The following TYW1B variants were observed in gnomAD, a reference collection of about 807,000 sequenced individuals.
The protein encoded by TYW1B is S-adenosyl-L-methionine-dependent tRNA 4-demethylwyosine synthase TYW1B.
Under a neutral mutation model 86.9 loss-of-function variants are expected in TYW1B, and 73 were observed. The ratio of observed to expected loss-of-function variants is 0.84; its 90% CI spans 0.70 to 1.02. The LOEUF (loss-of-function observed/expected upper bound fraction) is 1.02. Among genes scored for constraint, TYW1B ranks in the 50% least tolerant of loss-of-function variants. TYW1B has a pLI of 0.00. For synonymous variants in TYW1B, 248 were observed against 292.8 expected (o/e 0.85, Z 1.56); for missense variants, 637 against 827.4 (o/e 0.77, Z 2.82).
intron 10 of TYW1B, among the ~76,000 whole-genome samples, chr7:72,705,300 G>A (rs1269145157): frequency 6.6e-6 from 1 of 152,188 alleles, no homozygotes; most frequent in Non-Finnish European, 1.5e-5. Flanking sequence ...AAAAGATGGG[G>A]TGAATGTCTC....
chr7:72,802,778 G>A (rs1460165967), intron 5 of TYW1B, among the ~76,000 whole-genome samples: 3 of 152,100 alleles, frequency 2.0e-5, no homozygotes, highest in East Asian at 3.9e-4. Flanking sequence ...CTACCACCAC[G>A]CCTGGCTAAT....
At chr7:72,592,544 T>C (rs1811421713) in intron 13 of TYW1B, among the ~76,000 whole-genome samples, 1 of 152,220 alleles carries the variant, frequency 6.6e-6, no homozygotes. Flanking sequence ...AATCCCTCCA[T>C]ATCAGTCATT....
chr7:72,716,653 T>TGTG (rs1180834944), intron 9 of TYW1B, among the ~76,000 whole-genome samples: 1 of 149,990 alleles, frequency 6.7e-6, no homozygotes, highest in Non-Finnish European at 1.5e-5. Flanking sequence ...TTGTTGTTGT[T>TGTG]TTTGAGACAG....
At chr7:72,598,864 G>A (rs1315400381) in intron 13 of TYW1B, among the ~76,000 whole-genome samples, 11 of 152,144 alleles carry the variant, frequency 7.2e-5, no homozygotes, top group Non-Finnish European at 1.3e-4. Context: ...ATAAACAGGT[G>A]GAGGAAGACA....
In TYW1B at chr7:72,616,778, T is replaced by G; in HGVS notation, c.1679A>C (p.His560Pro). The change falls in exon 13 of 14, where the codon CAT becomes CCT. Residue 560 changes from histidine (H) to proline (P), a missense_variant. By Grantham distance (77) the His-to-Pro change is moderately conservative (BLOSUM62 -2). Coordinates refer to ENST00000620995, the MANE Select transcript of TYW1B (RefSeq NM_001145440.3). Reference sequence around the variant, plus strand: ...GCGGACAAACTGTACCACTTCCTCATGCCAGGGCACATGGGCCATGGTAAG... The same window carrying G: ...GCGGACAAACTGTACCACTTCCTCAGGCCAGGGCACATGGGCCATGGTAAG... Reference protein sequence around the residue: ...SSLTMAHVPWHEEVVQFVREL... With the variant: ...SSLTMAHVPWPEEVVQFVREL... The G allele has an allele frequency of 6.2e-7, 1 of 1,614,228 alleles. No individual in the cohort carries two copies. The highest frequency in any genetic ancestry group is 8.5e-7 in the Non-Finnish European group (1 of 1,180,044).
In TYW1B at chr7:72,807,242, A is replaced by T. The variant is rs1554476928; in HGVS notation, c.547T>A (p.Phe183Ile). The part of the protein sequence containing the change: ...KSKHGSIEAN[F>I]RAWKTKFISQ... Reference sequence around the variant, plus strand: ...ATGAACTTGGTCTTCCATGCTCTGAAGTTGGCCTCAATGCTGCCGTGCTTG... The same window carrying T: ...ATGAACTTGGTCTTCCATGCTCTGATGTTGGCCTCAATGCTGCCGTGCTTG... Residue 183 changes from phenylalanine to isoleucine, a missense_variant, in exon 5 of 14, where the codon TTC (phenylalanine) becomes ATC (isoleucine). Transcript: ENST00000620995. The T allele has an allele frequency of 6.2e-7, 1 of 1,614,052 alleles. No homozygotes were observed.
intron 13 of TYW1B, among the ~76,000 whole-genome samples, chr7:72,611,360 G>T (rs1400401018): frequency 6.6e-6 from 1 of 152,078 alleles, no homozygotes. Flanking sequence ...ACCTTGAATG[G>T]CAGTTCCCAT....
At chr7:72,735,639 G>C (rs1227167518) in intron 8 of TYW1B, among the ~76,000 whole-genome samples, 1 of 151,896 alleles carries the variant, frequency 6.6e-6, no homozygotes, top group Admixed American at 6.6e-5. Context: ...GAAGGCCAAG[G>C]GAGGCAGATC....
intron 3 of TYW1B, among the ~76,000 whole-genome samples, chr7:72,813,868 A>G (rs1298811672): frequency 6.6e-6 from 1 of 152,040 alleles, no homozygotes; most frequent in Non-Finnish European, 1.5e-5. Context: ...TACAAAAATT[A>G]GCCAGGTGTG....
chr7:72,762,745 C>A (rs145190381), intron 7 of TYW1B, among the ~76,000 whole-genome samples: 1 of 152,026 alleles, frequency 6.6e-6, no homozygotes, highest in African/African-American at 2.4e-5. Context: ...CTGCAACCTC[C>A]GCCTCCCTGG....
chr7:72,703,246 G>A (rs1386203228), intron 10 of TYW1B, among the ~76,000 whole-genome samples: 1 of 150,940 alleles, frequency 6.6e-6, no homozygotes, highest in African/African-American at 2.4e-5. Context: ...GGATAGTCTC[G>A]ATCTCCTGAC....
Position 72,777,458 on chromosome 7 carries a change from C to A in TYW1B, c.922G>T (p.Ala308Ser). The change falls in exon 7 of 14, where the codon GCT (alanine) becomes TCT (serine). Residue 308 changes from alanine (A) to serine (S), a missense_variant. Transcript: ENST00000620995. ...MGRNEDGERR[A>S]MITPALREAL... is the part of the protein sequence containing the mutation. ...TCTCGGAGAGCAGGAGTTATCATAGCTCTTCTTTCACCATCTTCATTCCTC... is the reference window on the plus strand; with the variant it reads ...TCTCGGAGAGCAGGAGTTATCATAGATCTTCTTTCACCATCTTCATTCCTC... 2.5e-6 allele frequency: 4 copies of A among 1,614,106 alleles called. No individual in the cohort carries two copies. Among genetic ancestry groups the A allele is most frequent in the Non-Finnish European group, 3.4e-6 (4 of 1,179,994 alleles).
At chr7:72,582,245 G>A (rs1811173208) in intron 13 of TYW1B, among the ~76,000 whole-genome samples, 1 of 152,046 alleles carries the variant, frequency 6.6e-6, no homozygotes, top group Non-Finnish European at 1.5e-5. Context: ...CCACATTAAA[G>A]GTGTCTACAA....
chr7:72,584,102 A>T (rs1811218334), intron 13 of TYW1B, among the ~76,000 whole-genome samples: 1 of 152,198 alleles, frequency 6.6e-6, no homozygotes, highest in African/African-American at 2.4e-5. Flanking sequence ...ACTGGAGTGC[A>T]GTTGTGCAAT....
chr7:72,706,927 C>T lies in TYW1B; in HGVS notation c.1370+6694G>A, dbSNP rs184294203. 1.5e-3 allele frequency among the ~76,000 whole-genome samples: 227 copies of T among 152,320 alleles called. 2 individuals carry two copies. The highest frequency in any genetic ancestry group is 2.9e-3 in the Non-Finnish European group (196 of 68,036). Reference sequence around the variant, plus strand: ...CTTACCAACTGAGGGTTTGAGACCTCTGGGCTTAAGGAGAAAATGGATTGC... The same window carrying T: ...CTTACCAACTGAGGGTTTGAGACCTTTGGGCTTAAGGAGAAAATGGATTGC... On this transcript the variant is annotated intron_variant, in intron 10 of 13. Transcript: ENST00000620995.
At chr7:72,585,582 G>A (rs1811254452) in intron 13 of TYW1B, among the ~76,000 whole-genome samples, 1 of 152,138 alleles carries the variant, frequency 6.6e-6, no homozygotes, top group Non-Finnish European at 1.5e-5. Flanking sequence ...GAGGGACCAG[G>A]TGGGAGGTAA....
chr7:72,603,094 ATGG>A (rs1554434134), intron 13 of TYW1B, among the ~76,000 whole-genome samples: 1 of 47,116 alleles, frequency 2.1e-5, no homozygotes, highest in East Asian at 9.8e-4. Context: ...CAGACAGATG[ATGG>A]ATGGATGGAT....
rs1164945441 is a variant in TYW1B at position 72,791,058 on chromosome 7, A to C, written c.846+11342T>G. Among the ~76,000 whole-genome samples the C allele has an allele frequency of 3.3e-5, 5 of 152,244 alleles. No homozygotes were observed. In the South Asian group the frequency reaches 8.3e-4, roughly 25 times the overall value. On this transcript the variant is annotated intron_variant, in intron 6 of 13. Transcript: ENST00000620995. ...CTATGGACTGTTTCAAAGGGATCTG[A>C]TCCTTTTGAATTTTGCACAGCCCTA...
At chr7:72,602,642 G>A (rs1176876155) in intron 13 of TYW1B, among the ~76,000 whole-genome samples, 6 of 152,158 alleles carry the variant, frequency 3.9e-5, no homozygotes, top group East Asian at 1.9e-4. Context: ...TCAAAAACAC[G>A]TGGCTGACTG....
Sources: allele counts gnomAD v4.1 joint callset (sites outside exome capture counted in the v4.1 genomes callset), GRCh38; gene constraint gnomAD v4.1.1; transcripts MANE v1.5; gene names NCBI Gene and HGNC (gene_info 2026-07-23, HGNC 2026-07-21).